The following GOLGB1 variants were observed in gnomAD, a reference collection of about 807,000 sequenced individuals.
The protein encoded by GOLGB1 is golgin subfamily B member 1.
GOLGB1 carries 174 observed loss-of-function variants against 336.9 expected under a neutral mutation model. That is an observed-to-expected ratio of 0.52 (90% CI 0.46 to 0.59). The LOEUF (loss-of-function observed/expected upper bound fraction) is 0.59. Among genes scored for constraint, GOLGB1 ranks in the 20% least tolerant of loss-of-function variants. GOLGB1 has a pLI of 0.00. For missense variants in GOLGB1, 3,331 were observed against 3,645.3 expected (o/e 0.91, Z 2.22); for synonymous variants, 1,208 against 1,289.2 (o/e 0.94, Z 1.35).
At chr3:121,726,433 CAAAAAAAAAA>C (rs10547964) in intron 5 of GOLGB1, among the ~76,000 whole-genome samples, 1 of 61,452 alleles carries the variant, frequency 1.6e-5, no homozygotes, top group Admixed American at 2.4e-4. Flanking sequence ...CACCCTGTCT[CAAAAAAAAAA>C]AAAAAAAAAA....
chr3:121,730,277 A>G (rs1323285226), intron 2 of GOLGB1: 10 of 322,210 alleles, frequency 3.1e-5, no homozygotes, highest in Non-Finnish European at 1.7e-5. Context: ...AAAGGAAAGC[A>G]AAAATCATAA....
intron 13 of GOLGB1, 59 bp downstream of exon 13, chr3:121,693,682 T>G (rs1942674981): frequency 1.6e-6 from 2 of 1,212,822 alleles, no homozygotes; most frequent in Non-Finnish European, 2.3e-6. Context: ...AGAAATAGTT[T>G]AGAGACTTTC....
At chr3:121,723,194 T>G (rs566880922) in intron 5 of GOLGB1, among the ~76,000 whole-genome samples, 3 of 152,358 alleles carry the variant, frequency 2.0e-5, no homozygotes, top group Admixed American at 6.5e-5. Context: ...TATTTAATTT[T>G]AATTTGAAAA....
chr3:121,738,623 C>T (rs1946644076), intron 1 of GOLGB1, among the ~76,000 whole-genome samples: 1 of 152,096 alleles, frequency 6.6e-6, no homozygotes, highest in African/African-American at 2.4e-5. Context: ...CTTCCCATTC[C>T]AATAACAGGT....
chr3:121,687,474 G>A (rs1022575008), intron 14 of GOLGB1, among the ~76,000 whole-genome samples: 1 of 152,166 alleles, frequency 6.6e-6, no homozygotes, highest in Admixed American at 6.5e-5. Context: ...TAAGGGTAAA[G>A]TGTTAGAGCT....
Position 121,719,753 on chromosome 3 carries a change from G to A in GOLGB1, c.664C>T (p.Gln222Ter), listed in dbSNP as rs1335553183. The change falls in exon 7 of 22, where the codon CAG (glutamine) becomes TAG (stop). Residue 222 changes from glutamine to a stop codon, truncating the protein, a stop_gained. Transcript: ENST00000614479. LOFTEE classifies it high-confidence loss of function. ...CGGGCATCTTTCTCTCGGACCACCT[G>A]CTGCATGGAACTCAACTGAAGACAC... ...EQAAQLSSMQ[Q>*]VVREKDARFE... is the part of the protein sequence containing the mutation. The A allele has an allele frequency of 6.2e-7, 1 of 1,605,258 alleles. No individual in the cohort carries two copies. The highest frequency in any genetic ancestry group is 2.3e-5 in the East Asian group (1 of 43,960).
In GOLGB1 at chr3:121,694,584, A is replaced by G. The variant is rs1239367751; in HGVS notation, c.5939T>C (p.Leu1980Ser). The change falls in exon 13 of 22, where the codon TTA (leucine) becomes TCA (serine). Residue 1980 changes from leucine (L) to serine (S), a missense_variant. Coordinates refer to ENST00000614479, the MANE Select transcript of GOLGB1 (RefSeq NM_001366282.2). ...VSELEEEKQQ[L>S]VKEKTKVESE... ...TTCCACCTTAGTTTTTTCCTTGACT[A>G]ACTGCTGCTTTTCTTCTTCCAATTC... 6.2e-7 allele frequency: 1 copy of G among 1,612,416 alleles called. No individual in the cohort carries two copies. Among genetic ancestry groups the G allele is most frequent in the Non-Finnish European group, 8.5e-7 (1 of 1,179,956 alleles).
chr3:121,745,348 G>A (rs1204216549), intron 1 of GOLGB1, among the ~76,000 whole-genome samples: 4 of 137,398 alleles, frequency 2.9e-5, no homozygotes, highest in African/African-American at 1.1e-4. Context: ...ATATGTACAC[G>A]TGTATGTATA....
At chr3:121,689,820 G>C (rs968599720) in intron 14 of GOLGB1, among the ~76,000 whole-genome samples, 2 of 152,160 alleles carry the variant, frequency 1.3e-5, no homozygotes, top group African/African-American at 2.4e-5. Context: ...CAGTAATGTT[G>C]CCAAGTAGAA....
intron 15 of GOLGB1, among the ~76,000 whole-genome samples, chr3:121,680,134 T>A (rs866639086): frequency 6.6e-5 from 10 of 152,200 alleles, no homozygotes; most frequent in African/African-American, 2.2e-4. Flanking sequence ...TATCAGGGCA[T>A]CCCTTCCTTT....
chr3:121,689,138 G>A (rs928473986), intron 14 of GOLGB1, among the ~76,000 whole-genome samples: 26 of 152,228 alleles, frequency 1.7e-4, no homozygotes, highest in African/African-American at 4.8e-4. Context: ...CCGCCACCCC[G>A]TCTGGGAGGT....
At chr3:121,676,467 T>G (rs1455520749) in intron 17 of GOLGB1, among the ~76,000 whole-genome samples, 1 of 152,218 alleles carries the variant, frequency 6.6e-6, no homozygotes, top group African/African-American at 2.4e-5. Context: ...ATCTTGTAGT[T>G]CTATCATAGA....
In GOLGB1 at chr3:121,718,410, G is replaced by C; in HGVS notation, c.863C>G (p.Thr288Ser). The C allele has an allele frequency of 6.2e-7, 1 of 1,611,678 alleles. No individual in the cohort carries two copies. The highest frequency in any genetic ancestry group is 8.5e-7 in the Non-Finnish European group (1 of 1,177,738). Reference protein sequence around the residue: ...QVVDLLQQELTAAEQRNQILS... With the variant: ...QVVDLLQQELSAAEQRNQILS... ...TACCTGGTTTCTCTGCTCAGCAGCA[G>C]TCAGCTCCTGTTGCAGCAAGTCAAC... Residue 288 changes from threonine to serine, a missense_variant, in exon 8 of 22, where the codon ACT becomes AGT. Coordinates refer to ENST00000614479, the MANE Select transcript of GOLGB1 (RefSeq NM_001366282.2).
At chr3:121,731,730 G>A (rs937805333) in intron 1 of GOLGB1, among the ~76,000 whole-genome samples, 14 of 152,066 alleles carry the variant, frequency 9.2e-5, no homozygotes, top group African/African-American at 2.9e-4. Context: ...TATTAGAAAA[G>A]GAGGAAGGAC....
chr3:121,714,795 A>C lies in GOLGB1; in HGVS notation c.1404+66T>G. Reference sequence around the variant, plus strand: ...GCTCTCTGGAATAAATCCTCATTAGAGCACCGAAGTACAGATACAGCAAAG... The same window carrying C: ...GCTCTCTGGAATAAATCCTCATTAGCGCACCGAAGTACAGATACAGCAAAG... On this transcript the variant is annotated intron_variant, in intron 10 of 21. Transcript: ENST00000614479. 4 of 1,005,908 alleles carry C rather than the reference A, an allele frequency of 4.0e-6. 1 individual carries two copies. Among genetic ancestry groups the C allele is most frequent in the Middle Eastern group, 4.1e-4 (2 of 4,838 alleles). 62.3% of individuals were successfully genotyped at this position (1,005,908 alleles called of 1,614,324 possible). A position where few individuals can be genotyped will look rare whatever the true frequency, so the allele number is the denominator to read the frequency against.
In GOLGB1 at chr3:121,696,448, C is replaced by T. The variant is rs201357729; in HGVS notation, c.4075G>A (p.Glu1359Lys). The T allele has an allele frequency of 2.3e-5, 37 of 1,613,980 alleles. No homozygotes were observed. The highest frequency in any genetic ancestry group is 1.7e-4 in the Middle Eastern group (1 of 6,060). Residue 1359 changes from glutamate (E) to lysine (K), a missense_variant, in exon 13 of 22, where the codon GAG becomes AAG. Glu to Lys is a moderately conservative substitution (Grantham distance 56, BLOSUM62 1). Coordinates refer to ENST00000614479, the MANE Select transcript of GOLGB1 (RefSeq NM_001366282.2). ...EQINKQGLEIESLKTVSHEAE... is the reference protein window; with the variant it reads ...EQINKQGLEIKSLKTVSHEAE... ...TCATGGGATACTGTCTTTAGACTCT[C>T]GATTTCTAAACCCTGTTTATTTATC...
intron 1 of GOLGB1, chr3:121,749,286 C>G (rs963639588): frequency 6.6e-6 from 1 of 152,404 alleles, no homozygotes; most frequent in Non-Finnish European, 1.5e-5. Flanking sequence ...TTAGGCAGGC[C>G]GCTCCAGGAA....
In GOLGB1 at chr3:121,693,087, G is replaced by A. The variant is rs542505529; in HGVS notation, c.6783-506C>T. 5.9e-5 allele frequency among the ~76,000 whole-genome samples: 9 copies of A among 152,348 alleles called. No homozygotes were observed. In the South Asian group the frequency reaches 1.9e-3, roughly 32 times the overall value. On this transcript the variant is annotated intron_variant, in intron 13 of 21. Coordinates refer to ENST00000614479, the MANE Select transcript of GOLGB1 (RefSeq NM_001366282.2). ...AAAATAACTCTAAGAGGTATATGCAGTATGAATTAATGTGGACTAAAGGAA... is the reference window on the plus strand; with the variant it reads ...AAAATAACTCTAAGAGGTATATGCAATATGAATTAATGTGGACTAAAGGAA...
chr3:121,713,032 G>T (rs1944472620), intron 10 of GOLGB1, among the ~76,000 whole-genome samples: 1 of 151,928 alleles, frequency 6.6e-6, no homozygotes, highest in South Asian at 2.1e-4. Context: ...TGTGGTGGCG[G>T]GTACCTGTAA....
Sources: allele counts gnomAD v4.1 joint callset (sites outside exome capture counted in the v4.1 genomes callset), GRCh38; gene constraint gnomAD v4.1.1; transcripts MANE v1.5; gene names NCBI Gene and HGNC (gene_info 2026-07-23, HGNC 2026-07-21).